ELOVL6: variants seen among roughly 807,000 people sequenced by gnomAD.
ELOVL6 encodes very long chain fatty acid elongase 6.
ELOVL6 carries 8 observed loss-of-function variants against 31.7 expected under a neutral mutation model. That is an observed-to-expected ratio of 0.25 (90% confidence interval 0.15 to 0.45). ELOVL6 has a LOEUF of 0.45. Among genes scored for constraint, ELOVL6 ranks in the 20% least tolerant of loss-of-function variants. The pLI, the probability that ELOVL6 is intolerant of heterozygous loss-of-function variation, is 1.00. For synonymous variants in ELOVL6, 101 were observed against 117.7 expected (o/e 0.86, Z 0.92); for missense variants, 126 against 326.4 (o/e 0.39, Z 4.73).
At chr4:110,064,128 T>C (rs1755229021) in intron 2 of ELOVL6, among the ~76,000 whole-genome samples, 1 of 150,830 alleles carries the variant, frequency 6.6e-6, no homozygotes, top group Non-Finnish European at 1.5e-5. Context: ...ATACCATACA[T>C]ATCATTTTTG....
At chr4:110,193,380 G>A (rs71603057) in intron 1 of ELOVL6, among the ~76,000 whole-genome samples, 33,223 of 152,048 alleles carry the variant, frequency 0.22, 3,863 homozygotes, top group East Asian at 0.37. Context: ...CGAGGTGGGC[G>A]GATTACTTGA....
At chr4:110,159,770 T>A (rs1406752505) in intron 1 of ELOVL6, among the ~76,000 whole-genome samples, 1 of 152,192 alleles carries the variant, frequency 6.6e-6, no homozygotes, top group Non-Finnish European at 1.5e-5. Flanking sequence ...ATTCACACTT[T>A]CAACAGCACA....
intron 2 of ELOVL6, among the ~76,000 whole-genome samples, chr4:110,085,421 G>A (rs1756230854): frequency 6.6e-6 from 1 of 152,190 alleles, no homozygotes; most frequent in South Asian, 2.1e-4. Flanking sequence ...CTGGTGAAAG[G>A]TCAGAGGCAC....
intron 1 of ELOVL6, among the ~76,000 whole-genome samples, chr4:110,129,479 G>A (rs1224553819): frequency 6.6e-6 from 1 of 152,206 alleles, no homozygotes; most frequent in Non-Finnish European, 1.5e-5. Flanking sequence ...ATGACTGAAT[G>A]CCCATCCATG....
intron 1 of ELOVL6, among the ~76,000 whole-genome samples, chr4:110,130,548 A>G (rs1406992716): frequency 6.6e-6 from 1 of 152,230 alleles, no homozygotes; most frequent in African/African-American, 2.4e-5. Context: ...ATGCTAAAGC[A>G]AAACCAACAC....
chr4:110,160,152 T>C (rs1758591548), intron 1 of ELOVL6, among the ~76,000 whole-genome samples: 1 of 152,034 alleles, frequency 6.6e-6, no homozygotes, highest in Non-Finnish European at 1.5e-5. Flanking sequence ...GGATGTCTTT[T>C]TAACAGTGTA....
chr4:110,087,357 G>A (rs1476683916), intron 2 of ELOVL6, among the ~76,000 whole-genome samples: 4 of 152,056 alleles, frequency 2.6e-5, no homozygotes, highest in African/African-American at 9.7e-5. Context: ...CTTTGCATTC[G>A]ATTAGTCAAA....
chr4:110,124,346 A>C (rs886495231), intron 1 of ELOVL6, among the ~76,000 whole-genome samples: 6 of 152,210 alleles, frequency 3.9e-5, no homozygotes, highest in African/African-American at 9.6e-5. Flanking sequence ...AAAATGTGGT[A>C]TATATACACC....
In ELOVL6 at chr4:110,198,526, G is replaced by T; in HGVS notation, c.-191C>A. 3.7e-6 allele frequency: 2 copies of T among 540,040 alleles called. No homozygotes were observed. The highest frequency in any genetic ancestry group is 6.5e-6 in the Non-Finnish European group (2 of 307,068). 33.5% of individuals were successfully genotyped at this position (540,040 alleles called of 1,614,324 possible). A position where few individuals can be genotyped will look rare whatever the true frequency, so the allele number is the denominator to read the frequency against. ...ACATCCAGGGCTGAGCATTGCCTGC[G>T]CCTCCGCTCCCAGCTCCTCTCTCTG... On this transcript the variant is annotated 5_prime_UTR_variant, in exon 1 of 4. Transcript: ENST00000302274.
intron 1 of ELOVL6, among the ~76,000 whole-genome samples, chr4:110,136,686 G>A (rs1757822657): frequency 6.6e-6 from 1 of 152,200 alleles, no homozygotes; most frequent in Non-Finnish European, 1.5e-5. Context: ...GGTGCAAGGT[G>A]AGCCATGGTT....
chr4:110,133,774 G>T (rs1560837992), intron 1 of ELOVL6, among the ~76,000 whole-genome samples: 3 of 152,126 alleles, frequency 2.0e-5, no homozygotes, highest in African/African-American at 7.2e-5. Context: ...TTAAACTAGA[G>T]TATTTCTAAG....
At chr4:110,193,921 A>G (rs957710734) in intron 1 of ELOVL6, among the ~76,000 whole-genome samples, 3 of 152,152 alleles carry the variant, frequency 2.0e-5, no homozygotes, top group Non-Finnish European at 4.4e-5. Context: ...TCACATACAT[A>G]ATGTTACAGC....
At chr4:110,147,393 G>C (rs1758148481) in intron 1 of ELOVL6, 1 of 151,824 alleles carries the variant, frequency 6.6e-6, no homozygotes, top group Non-Finnish European at 1.5e-5. Flanking sequence ...TCTTGACTAA[G>C]ATCTCAAAGC....
At chr4:110,059,949 A>G (rs1755093801) in intron 2 of ELOVL6, 195 bp from the exon 3 acceptor site, 1 of 501,262 alleles carries the variant, frequency 2.0e-6, no homozygotes, top group Non-Finnish European at 3.5e-6. Flanking sequence ...TTATTCTGAA[A>G]CCATATATGA....
intron 1 of ELOVL6, among the ~76,000 whole-genome samples, chr4:110,182,409 TAATTTTAATG>T (rs2126278247): frequency 6.6e-6 from 1 of 152,378 alleles, no homozygotes; most frequent in South Asian, 2.1e-4. Context: ...ATTGTATTGC[TAATTTTAATG>T]TTTATTTTTA....
At chr4:110,058,550 A>G (rs2126221751) in intron 3 of ELOVL6, among the ~76,000 whole-genome samples, 1 of 152,304 alleles carries the variant, frequency 6.6e-6, no homozygotes, top group South Asian at 2.1e-4. Context: ...CTGAATGGAC[A>G]CGGGGCGTGA....
chr4:110,076,871 C>T (rs1397408869), intron 2 of ELOVL6, among the ~76,000 whole-genome samples: 10 of 152,178 alleles, frequency 6.6e-5, no homozygotes, highest in South Asian at 2.1e-4. Context: ...CCTGGAAAAT[C>T]GGGTCACTCC....
intron 1 of ELOVL6, among the ~76,000 whole-genome samples, chr4:110,178,637 T>C (rs760000788): frequency 1.3e-5 from 2 of 151,786 alleles, no homozygotes; most frequent in Non-Finnish European, 2.9e-5. Flanking sequence ...CAGGACTGCT[T>C]AAGCTCAGAA....
At chr4:110,194,161 C>T (rs1417825997) in intron 1 of ELOVL6, among the ~76,000 whole-genome samples, 2 of 152,200 alleles carry the variant, frequency 1.3e-5, no homozygotes. Flanking sequence ...CCCTGGCTAG[C>T]AGCACTTCCA....
Sources: allele counts gnomAD v4.1 joint callset (sites outside exome capture counted in the v4.1 genomes callset), GRCh38; gene constraint gnomAD v4.1.1; transcripts MANE v1.5; gene names NCBI Gene and HGNC (gene_info 2026-07-23, HGNC 2026-07-21).